The following LINGO2 variants were observed in gnomAD, a reference collection of about 807,000 sequenced individuals.
LINGO2 encodes the protein leucine-rich repeat and immunoglobulin-like domain-containing nogo receptor-interacting protein 2.
Under a neutral mutation model 30.6 loss-of-function variants are expected in LINGO2, and 14 were observed. The ratio of observed to expected loss-of-function variants is 0.46; its 90% CI spans 0.30 to 0.72. The LOEUF is 0.72. Among genes scored for constraint, LINGO2 ranks in the 30% least tolerant of loss-of-function variants. The pLI is 0.07. For missense variants in LINGO2, 729 were observed against 751.7 expected, an observed-to-expected ratio of 0.97 and a Z score of 0.35; for synonymous variants, 317 against 288.5, an observed-to-expected ratio of 1.10 and a Z score of -1.00.
At chr9:28,269,333 G>A (rs923083145) in intron 4 of LINGO2, among the ~76,000 whole-genome samples, 1 of 152,030 alleles carries the variant, frequency 6.6e-6, no homozygotes, top group Non-Finnish European at 1.5e-5. Context: ...TTCAGTGAGT[G>A]CCTAAATGAA....
the LINGO2 span, among the ~76,000 whole-genome samples, chr9:29,199,596 C>A: frequency 6.6e-6 from 1 of 152,100 alleles, no homozygotes; most frequent in Admixed American, 6.6e-5. Flanking sequence ...CTGACCAACT[C>A]CCCTTTTCCC....
the LINGO2 span, among the ~76,000 whole-genome samples, chr9:28,984,138 CTTATACTACATAAAATG>C: frequency 6.6e-6 from 1 of 152,100 alleles, no homozygotes; most frequent in African/African-American, 2.4e-5. Flanking sequence ...CTGCAGTAAT[CTTATACTACATAAAATG>C]TCAAAATGTT....
At chr9:28,889,989 C>T in the LINGO2 span, among the ~76,000 whole-genome samples, 3 of 152,032 alleles carry the variant, frequency 2.0e-5, no homozygotes, top group Non-Finnish European at 2.9e-5. Context: ...GCAATTATGC[C>T]TGTTCACACA....
At chr9:29,130,476 T>G in the LINGO2 span, among the ~76,000 whole-genome samples, 1 of 152,070 alleles carries the variant, frequency 6.6e-6, no homozygotes, top group Non-Finnish European at 1.5e-5. Context: ...AAACAGGCAT[T>G]AGCAAAGCTA....
the LINGO2 span, among the ~76,000 whole-genome samples, chr9:29,152,770 C>T: frequency 6.6e-6 from 1 of 152,126 alleles, no homozygotes; most frequent in Non-Finnish European, 1.5e-5. Flanking sequence ...TAATCCTTCA[C>T]ATGTACCCCC....
At chr9:29,079,842 A>G in the LINGO2 span, among the ~76,000 whole-genome samples, 1 of 151,754 alleles carries the variant, frequency 6.6e-6, no homozygotes, top group Admixed American at 6.6e-5. Context: ...AGATAAAGTG[A>G]GACTATGCTA....
At chr9:28,355,265 C>CTT (rs1296794973) in intron 3 of LINGO2, among the ~76,000 whole-genome samples, 1 of 146,454 alleles carries the variant, frequency 6.8e-6, no homozygotes, top group Non-Finnish European at 1.5e-5. Flanking sequence ...GTCTCTGTCT[C>CTT]TCTCTCTGTC....
the LINGO2 span, among the ~76,000 whole-genome samples, chr9:28,696,028 CT>C: frequency 6.6e-6 from 1 of 151,820 alleles, no homozygotes; most frequent in Non-Finnish European, 1.5e-5. Context: ...CGTTTCCTTA[CT>C]TTTTCCCCTC....
Position 28,148,880 on chromosome 9 carries a change from A to G in LINGO2, c.-86-136475T>C. ...AGGCTTGCTGATGGTGGGGGAGGAC[A>G]TGCAGCCCAAGGATCCTGCAGCTCT... is the stretch of plus-strand genomic sequence containing the variant. On this transcript the variant is annotated intron_variant, in intron 4 of 5. Coordinates refer to ENST00000379992, the Ensembl canonical transcript of LINGO2. This position sits in a 1 kb window ranked among gnomAD's most constrained non-coding sequence, Gnocchi z 5.1. 2 of 1,533,756 alleles carry G rather than the reference A, an allele frequency of 1.3e-6. No individual in the cohort carries two copies. Among genetic ancestry groups the G allele is most frequent in the Non-Finnish European group, 1.7e-6 (2 of 1,146,514 alleles).
chr9:27,966,300 C>A (rs1057247837), intron 5 of LINGO2, among the ~76,000 whole-genome samples: 4 of 152,076 alleles, frequency 2.6e-5, no homozygotes, highest in African/African-American at 9.7e-5. Flanking sequence ...AAAATTCCTG[C>A]TAAGAAGTTA....
intron 3 of LINGO2, among the ~76,000 whole-genome samples, chr9:28,345,048 T>C (rs1819511831): frequency 6.6e-6 from 1 of 151,940 alleles, no homozygotes; most frequent in Admixed American, 6.6e-5. Flanking sequence ...CCTTTGATAG[T>C]GTCTTATCTT....
At chr9:29,187,457 G>A in the LINGO2 span, among the ~76,000 whole-genome samples, 21 of 152,034 alleles carry the variant, frequency 1.4e-4, no homozygotes, top group Non-Finnish European at 2.2e-4. Context: ...CAAACCTCTG[G>A]TCGTTCACTC....
intron 4 of LINGO2, among the ~76,000 whole-genome samples, chr9:28,240,756 C>T (rs1821753984): frequency 6.6e-6 from 1 of 152,048 alleles, no homozygotes; most frequent in Admixed American, 6.6e-5. Flanking sequence ...AGTAATATCC[C>T]ACAAGCATAA....
In LINGO2 at chr9:28,506,485, C is replaced by CATATATATATATATATAT. The variant is rs1491111372; in HGVS notation, c.-364-30461_-364-30460insATATATATATATATATAT. 4.5e-4 allele frequency among the ~76,000 whole-genome samples: 33 copies of CATATATATATATATATAT among 73,370 alleles called. 5 individuals are homozygous for CATATATATATATATATAT. The highest frequency in any genetic ancestry group is 1.8e-3 in the South Asian group (4 of 2,234). The allele number at this position is 73,370 out of a possible 152,430, so 48.1% of individuals were successfully genotyped here. A position where few individuals can be genotyped will look rare whatever the true frequency, so the allele number is the denominator to read the frequency against. On this transcript the variant is annotated intron_variant, in intron 1 of 5. Transcript: ENST00000379992. ...ACATACACACACACACACACATACA[C>CATATATATATATATATAT]ATACACACACACACACAGACATATA... is the stretch of plus-strand genomic sequence containing the variant.
At chr9:28,813,454 G>T in the LINGO2 span, among the ~76,000 whole-genome samples, 3 of 152,302 alleles carry the variant, frequency 2.0e-5, no homozygotes, top group Admixed American at 2.0e-4. Flanking sequence ...TTTTCAGACT[G>T]CAGTTGACCA....
chr9:28,700,779 G>A, the LINGO2 span, among the ~76,000 whole-genome samples: 1 of 152,062 alleles, frequency 6.6e-6, no homozygotes, highest in Non-Finnish European at 1.5e-5. Context: ...CAATGAATAA[G>A]AGGTCCTGTC....
At chr9:28,589,303 C>A (rs550685874) in intron 1 of LINGO2, among the ~76,000 whole-genome samples, 1 of 152,134 alleles carries the variant, frequency 6.6e-6, no homozygotes, top group Admixed American at 6.5e-5. Flanking sequence ...CTGGCCAGGG[C>A]AGTCAGGCAG....
the LINGO2 span, among the ~76,000 whole-genome samples, chr9:29,103,521 A>G: frequency 6.6e-6 from 1 of 151,930 alleles, no homozygotes; most frequent in Non-Finnish European, 1.5e-5. Context: ...AGATTTGCTA[A>G]TAAGTTTATA....
intron 2 of LINGO2, among the ~76,000 whole-genome samples, chr9:28,440,370 C>G (rs532143543): frequency 1.3e-5 from 2 of 152,144 alleles, no homozygotes; most frequent in South Asian, 4.1e-4. Flanking sequence ...AGGGCAGACA[C>G]AAGACATTTA....
Sources: allele counts gnomAD v4.1 joint callset (sites outside exome capture counted in the v4.1 genomes callset), GRCh38; gene constraint gnomAD v4.1.1; non-coding constraint Gnocchi (gnomAD v3.1); transcripts MANE v1.5; gene names NCBI Gene and HGNC (gene_info 2026-07-23, HGNC 2026-07-21).